Variants in MPDZ observed in about 807,000 individuals in gnomAD.
The protein encoded by MPDZ is multiple PDZ domain crumbs cell polarity complex component.
Under a neutral mutation model 239.1 loss-of-function variants are expected in MPDZ, and 234 were observed. The observed-to-expected ratio is 0.98, with a 90% confidence interval of 0.88 to 1.09. The LOEUF (loss-of-function observed/expected upper bound fraction) is 1.09. MPDZ is among the 50% of genes least tolerant of loss of function. The pLI is 0.00. For missense variants in MPDZ, 3,175 were observed against 2,510.0 expected (o/e 1.26, Z -5.66); for synonymous variants, 1,048 against 881.3 (o/e 1.19, Z -3.35).
chr9:13,115,391 A>G (rs1943243044), intron 39 of MPDZ, 57 bp from the exon 40 acceptor site: 2 of 1,373,126 alleles, frequency 1.5e-6, no homozygotes, highest in Non-Finnish European at 2.1e-6. Context: ...TGCTATAATC[A>G]TCTTTAGGAA....
intron 19 of MPDZ, among the ~76,000 whole-genome samples, chr9:13,180,202 A>C (rs1298841703): frequency 1.3e-5 from 2 of 152,196 alleles, no homozygotes; most frequent in African/African-American, 4.8e-5. Flanking sequence ...GAAGGCAATA[A>C]TATTTTATGC....
intron 12 of MPDZ, among the ~76,000 whole-genome samples, chr9:13,202,670 G>A (rs1956527855): frequency 6.6e-6 from 1 of 152,188 alleles, no homozygotes; most frequent in African/African-American, 2.4e-5. Flanking sequence ...CCAGACCAGT[G>A]GAGAGAATGA....
At chr9:13,163,862 C>T (rs1396182686) in intron 22 of MPDZ, among the ~76,000 whole-genome samples, 2 of 152,080 alleles carry the variant, frequency 1.3e-5, no homozygotes, top group Non-Finnish European at 2.9e-5. Context: ...GAGGAGTATA[C>T]ATAATTTCAA....
intron 2 of MPDZ, among the ~76,000 whole-genome samples, chr9:13,248,215 G>A (rs567377009): frequency 1.3e-3 from 190 of 142,452 alleles, no homozygotes; most frequent in Non-Finnish European, 1.4e-3. Flanking sequence ...GTGACAGAGT[G>A]AGACTCCATC....
intron 10 of MPDZ, among the ~76,000 whole-genome samples, chr9:13,206,970 T>C (rs1175321805): frequency 6.6e-6 from 1 of 152,124 alleles, no homozygotes; most frequent in Non-Finnish European, 1.5e-5. Flanking sequence ...CAGGCCACTG[T>C]GCCCTACTTC....
chr9:13,244,458 T>C (rs183824091), intron 3 of MPDZ, among the ~76,000 whole-genome samples: 1 of 152,262 alleles, frequency 6.6e-6, no homozygotes, highest in Non-Finnish European at 1.5e-5. Flanking sequence ...TAAACAGGAA[T>C]CATGCAATAG....
intron 20 of MPDZ, 53 bp from the exon 21 acceptor site, chr9:13,175,928 T>A: frequency 6.5e-7 from 1 of 1,538,998 alleles, no homozygotes; most frequent in Admixed American, 2.2e-5. Context: ...AACTAGACTT[T>A]GGAGCGTGAT....
intron 3 of MPDZ, among the ~76,000 whole-genome samples, chr9:13,238,512 C>T (rs1208149396): frequency 6.6e-6 from 1 of 152,094 alleles, no homozygotes; most frequent in East Asian, 1.9e-4. Flanking sequence ...AGCTGTTCTC[C>T]TCTCTCCTTT....
intron 3 of MPDZ, among the ~76,000 whole-genome samples, chr9:13,235,713 T>C (rs1286682247): frequency 6.6e-6 from 1 of 152,190 alleles, no homozygotes; most frequent in African/African-American, 2.4e-5. Context: ...ATGGAGTCAT[T>C]TTAAGTAATC....
chr9:13,167,517 T>C (rs536435520), intron 22 of MPDZ, among the ~76,000 whole-genome samples: 1 of 152,230 alleles, frequency 6.6e-6, no homozygotes, highest in African/African-American at 2.4e-5. Context: ...GGACTAGTAA[T>C]AGAGAATGTA....
At chr9:13,152,512 A>T (rs1949309162) in intron 24 of MPDZ, among the ~76,000 whole-genome samples, 1 of 152,032 alleles carries the variant, frequency 6.6e-6, no homozygotes, top group South Asian at 2.1e-4. Flanking sequence ...CCACCATGTG[A>T]GATGTGTCTT....
At chr9:13,266,794 C>T (rs1196839295) in intron 1 of MPDZ, among the ~76,000 whole-genome samples, 4 of 152,032 alleles carry the variant, frequency 2.6e-5, no homozygotes, top group Admixed American at 6.6e-5. Flanking sequence ...TAGTTTCATG[C>T]AAAAGTAATC....
chr9:13,209,334 C>A (rs1431376949), intron 10 of MPDZ, among the ~76,000 whole-genome samples: 3 of 152,148 alleles, frequency 2.0e-5, no homozygotes, highest in Non-Finnish European at 4.4e-5. Flanking sequence ...TCAGAGCAAA[C>A]ACAGAAAACA....
At position 13,247,792 on chromosome 9, in the gene MPDZ, C is replaced by T. The variant is rs1437084828; in HGVS notation, c.26G>A (p.Arg9Gln). MLEAIDKN[R>Q]ALHAAERLQT... ...CAAGCGCTCTGCTGCATGCAGGGCC[C>T]GATTTTTGTCTATACCAAAGAGCAG... Residue 9 changes from arginine (R) to glutamine (Q), a missense_variant, in exon 3 of 47, where the codon CGG (arginine) becomes CAG (glutamine). Physicochemically the swap from Arg to Gln is conservative, Grantham distance 43 (BLOSUM62 1). Transcript: ENST00000319217. 3 of 1,598,820 alleles carry T rather than the reference C, an allele frequency of 1.9e-6. No individual in the cohort carries two copies. The highest frequency in any genetic ancestry group is 2.2e-5 in the East Asian group (1 of 44,552).
At position 13,123,215 on chromosome 9, in the gene MPDZ, C is replaced by A. The variant is rs768803387; in HGVS notation, c.4891G>T (p.Glu1631Ter). 1.9e-6 allele frequency: 3 copies of A among 1,613,354 alleles called. No homozygotes were observed. In the African/African-American group the frequency reaches 4.0e-5, roughly 22 times the overall value. ...PIIPGCETTI[E>*]ISKGRTGLGL... ...AGCCCTGTTCGCCCTTTGGAAATCT[C>A]GATGGTTGTTTCGCAGCCAGGGATA... The change falls in exon 36 of 47, where the codon GAG becomes TAG. Residue 1631 changes from glutamate to a stop codon, truncating the protein, a stop_gained. Transcript: ENST00000319217. LOFTEE classifies it high-confidence loss of function.
At chr9:13,112,933 A>G in intron 42 of MPDZ, 78 bp downstream of exon 42, 1 of 1,339,154 alleles carries the variant, frequency 7.5e-7, no homozygotes, top group South Asian at 1.3e-5. Flanking sequence ...TAAAACCGTA[A>G]GAAAGTTAAC....
At chr9:13,186,426 C>T (rs928786794) in intron 17 of MPDZ, 40 bp from the exon 18 acceptor site, 3 of 1,352,498 alleles carry the variant, frequency 2.2e-6, no homozygotes, top group African/African-American at 1.5e-5. Flanking sequence ...AGAGAGAGAA[C>T]AGCAAAGAAG....
In MPDZ at chr9:13,106,818, G is replaced by A; in HGVS notation, c.*147C>T. On this transcript the variant is annotated 3_prime_UTR_variant, in exon 47 of 47. Coordinates refer to ENST00000319217, the MANE Select transcript of MPDZ (RefSeq NM_001378778.1). ...GTTGTCAGTAAGGAAAGCATTTCTA[G>A]ATGAGAAAAAGAAACTTAAGTGTTA... The A allele has an allele frequency of 1.2e-6, 1 of 818,914 alleles. No homozygotes were observed. Among genetic ancestry groups the A allele is most frequent in the East Asian group, 2.5e-5 (1 of 39,320 alleles). The allele number at this position is 818,914 out of a possible 1,614,324, so 50.7% of individuals were successfully genotyped here.
At chr9:13,186,159 C>G in intron 18 of MPDZ, 111 bp downstream of exon 18, 1 of 511,504 alleles carries the variant, frequency 2.0e-6, no homozygotes, top group African/African-American at 2.0e-5. Context: ...TTTATCTTTC[C>G]AAATATAATA....
Sources: gnomAD v4.1 joint callset for allele counts (sites outside exome capture counted in the v4.1 genomes callset) on GRCh38, gnomAD v4.1.1 for gene constraint, MANE v1.5 for transcripts, NCBI Gene and HGNC (gene_info 2026-07-23, HGNC 2026-07-21) for gene names.